Variants in MTHFD1L observed in about 807,000 individuals in gnomAD.
MTHFD1L encodes monofunctional C1-tetrahydrofolate synthase, mitochondrial.
In MTHFD1L, 81 loss-of-function variants were observed where a neutral mutation model predicts 119.5. The ratio of observed to expected loss-of-function variants is 0.68; its 90% CI spans 0.57 to 0.82. The LOEUF is 0.82. Ranked by LOEUF, MTHFD1L falls within the 40% of genes least tolerant of loss-of-function variation. The pLI is 0.00. For synonymous variants in MTHFD1L, 430 were observed against 475.2 expected, an observed-to-expected ratio of 0.90 and a Z score of 1.24; for missense variants, 1,125 against 1,253.4, an observed-to-expected ratio of 0.90 and a Z score of 1.55.
intron 4 of MTHFD1L, among the ~76,000 whole-genome samples, chr6:150,881,887 C>G (rs374864421): frequency 6.6e-6 from 1 of 152,132 alleles, no homozygotes; most frequent in African/African-American, 2.4e-5. Context: ...AAATGGTTTC[C>G]CCTGCCACTG....
At chr6:150,893,814 A>G (rs1783755043) in intron 7 of MTHFD1L, among the ~76,000 whole-genome samples, 1 of 152,202 alleles carries the variant, frequency 6.6e-6, no homozygotes, top group African/African-American at 2.4e-5. Flanking sequence ...TTCTCATTAA[A>G]CAGTAGAGCA....
At chr6:150,994,159 G>C (rs61638840) in intron 20 of MTHFD1L, among the ~76,000 whole-genome samples, 29,260 of 150,568 alleles carry the variant, frequency 0.19, 2,997 homozygotes, top group Middle Eastern at 0.29. Context: ...AGGGTAGCCA[G>C]TCTGGGCTGG....
intron 9 of MTHFD1L, 37 bp from the exon 10 acceptor site, chr6:150,922,168 C>G: frequency 2.7e-6 from 4 of 1,488,864 alleles, no homozygotes; most frequent in Non-Finnish European, 3.7e-6. Context: ...TCAGCTTTTA[C>G]CATTCTAACA....
Position 150,949,122 on chromosome 6 carries a change from C to T in MTHFD1L, c.1715C>T (p.Thr572Met), listed in dbSNP as rs149938963. Residue 572 changes from threonine (T) to methionine (M), a missense_variant, in exon 16 of 28, where the codon ACG (threonine) becomes ATG (methionine). By Grantham distance (81) the Thr-to-Met change is moderately conservative. This residue lies in a region of MTHFD1L where 1,058 missense variants were observed against 1,151.2 expected (regional missense o/e 0.92). Coordinates refer to ENST00000367321, the MANE Select transcript of MTHFD1L (RefSeq NM_015440.5). ...CTCGACATCGACCCATCTACCATCACGTGGCAGAGAGGTGGGTGCTGGGGA... is the reference window on the plus strand; with the variant it reads ...CTCGACATCGACCCATCTACCATCATGTGGCAGAGAGGTGGGTGCTGGGGA... Reference protein sequence around the residue: ...ARLDIDPSTITWQRVLDTNDR... With the variant: ...ARLDIDPSTIMWQRVLDTNDR... 1.2e-5 allele frequency: 20 copies of T among 1,613,776 alleles called. No individual in the cohort carries two copies. The highest frequency in any genetic ancestry group is 2.2e-5 in the South Asian group (2 of 91,070).
intron 20 of MTHFD1L, among the ~76,000 whole-genome samples, chr6:150,993,608 G>A (rs771177119): frequency 9.9e-5 from 15 of 152,200 alleles, no homozygotes; most frequent in South Asian, 2.1e-4. Context: ...CACCACAGCC[G>A]GCCTAGTGTG....
At chr6:151,040,307 T>TCC (rs1786901086) in intron 26 of MTHFD1L, among the ~76,000 whole-genome samples, 1 of 152,232 alleles carries the variant, frequency 6.6e-6, no homozygotes, top group African/African-American at 2.4e-5. Flanking sequence ...TTCAGGTAGT[T>TCC]TACAGGTGGT....
intron 26 of MTHFD1L, among the ~76,000 whole-genome samples, chr6:151,085,615 T>A (rs1451541908): frequency 6.6e-6 from 1 of 151,744 alleles, no homozygotes; most frequent in Non-Finnish European, 1.5e-5. Flanking sequence ...TACTAAAAAT[T>A]CAAAAATTAC....
intron 20 of MTHFD1L, among the ~76,000 whole-genome samples, chr6:151,002,852 G>A (rs1044230220): frequency 2.6e-5 from 4 of 152,202 alleles, no homozygotes; most frequent in Admixed American, 6.5e-5. Flanking sequence ...AGCTGTCGGC[G>A]CCTCAGTGCT....
At chr6:151,002,046 CCT>C (rs1780695118) in intron 20 of MTHFD1L, among the ~76,000 whole-genome samples, 1 of 152,172 alleles carries the variant, frequency 6.6e-6, no homozygotes, top group South Asian at 2.1e-4. Context: ...GACACACTTA[CCT>C]CTCAGTTCAG....
chr6:151,060,899 G>A (rs945385045), intron 26 of MTHFD1L, among the ~76,000 whole-genome samples: 1 of 152,144 alleles, frequency 6.6e-6, no homozygotes, highest in East Asian at 1.9e-4. Flanking sequence ...AGTGGAAAAC[G>A]GAGAAATTAG....
At chr6:151,049,287 T>C (rs993230356) in intron 26 of MTHFD1L, among the ~76,000 whole-genome samples, 7 of 152,042 alleles carry the variant, frequency 4.6e-5, no homozygotes, top group Non-Finnish European at 7.4e-5. Context: ...GTCAGGAGAT[T>C]GAGACCATCC....
intron 7 of MTHFD1L, among the ~76,000 whole-genome samples, chr6:150,890,090 A>G (rs1005818388): frequency 6.6e-6 from 1 of 151,814 alleles, no homozygotes; most frequent in Middle Eastern, 3.4e-3. Context: ...CGGGAGGCAG[A>G]GGTTGCGGTG....
At chr6:150,895,050 C>A (rs981444285) in intron 7 of MTHFD1L, among the ~76,000 whole-genome samples, 2 of 152,148 alleles carry the variant, frequency 1.3e-5, no homozygotes, top group African/African-American at 4.8e-5. Flanking sequence ...TGTCACATGT[C>A]AGGAAGCCAA....
intron 7 of MTHFD1L, among the ~76,000 whole-genome samples, chr6:150,898,017 T>A (rs1167665893): frequency 6.6e-6 from 1 of 152,088 alleles, no homozygotes; most frequent in Non-Finnish European, 1.5e-5. Flanking sequence ...GCTAATTTTG[T>A]ATTTTTAGTA....
chr6:150,985,307 CT>C (rs1307476028), intron 20 of MTHFD1L: 1 of 152,102 alleles, frequency 6.6e-6, no homozygotes, highest in Non-Finnish European at 1.5e-5. Context: ...ATGTGTTCTC[CT>C]TGTACAAAGG....
At chr6:151,091,572 G>T (rs1794453693) in intron 26 of MTHFD1L, among the ~76,000 whole-genome samples, 1 of 152,124 alleles carries the variant, frequency 6.6e-6, no homozygotes, top group Admixed American at 6.5e-5. Flanking sequence ...CTAGCCATGT[G>T]TCCTTGAGCT....
chr6:151,040,356 G>T (rs776476541), intron 26 of MTHFD1L, among the ~76,000 whole-genome samples: 2 of 152,128 alleles, frequency 1.3e-5, no homozygotes, highest in Non-Finnish European at 2.9e-5. Flanking sequence ...AGAATAGTTT[G>T]GTGTAAAAAT....
At chr6:151,028,554 C>T (rs1361739668) in intron 24 of MTHFD1L, among the ~76,000 whole-genome samples, 3 of 152,070 alleles carry the variant, frequency 2.0e-5, no homozygotes, top group South Asian at 2.1e-4. Flanking sequence ...ACACCAGACA[C>T]GGAAGGACAG....
At position 150,903,186 on chromosome 6, in the gene MTHFD1L, G is replaced by T. The variant is rs1481860861; in HGVS notation, c.781-2464G>T. ...GGTGGCTTAAGGGACTAGATTGCTG[G>T]TGATATTGGCTGCAAAATTTTTTTT... On this transcript the variant is annotated intron_variant, in intron 7 of 27. Coordinates refer to ENST00000367321, the MANE Select transcript of MTHFD1L (RefSeq NM_015440.5). Among the ~76,000 whole-genome samples, 3 of 146,144 alleles carry T rather than the reference G, an allele frequency of 2.1e-5. No individual in the cohort carries two copies. The East Asian group carries it at 5.9e-4, about 29-fold the overall frequency.
Sources: gnomAD v4.1 joint callset for allele counts (sites outside exome capture counted in the v4.1 genomes callset) on GRCh38, gnomAD v4.1.1 for gene constraint, gnomAD v4.1.1 regional missense constraint, MANE v1.5 for transcripts, NCBI Gene and HGNC (gene_info 2026-07-23, HGNC 2026-07-21) for gene names.